Variants in ANKS1A observed in about 807,000 individuals in gnomAD.
The protein encoded by ANKS1A is ankyrin repeat and sterile alpha motif domain containing 1A.
Under a neutral mutation model 120.3 loss-of-function variants are expected in ANKS1A, and 55 were observed. That is an observed-to-expected ratio of 0.46 (90% CI 0.37 to 0.57). The LOEUF (loss-of-function observed/expected upper bound fraction) is 0.57, where lower values mean the gene tolerates loss of function less well. Among genes scored for constraint, ANKS1A ranks in the 20% least tolerant of loss-of-function variants. The pLI, the probability that ANKS1A is intolerant of heterozygous loss-of-function variation, is 0.00. For synonymous variants in ANKS1A, 590 were observed against 604.7 expected, an observed-to-expected ratio of 0.98 and a Z score of 0.36; for missense variants, 1,123 against 1,480.3, an observed-to-expected ratio of 0.76 and a Z score of 3.96.
intron 1 of ANKS1A, among the ~76,000 whole-genome samples, chr6:34,948,497 G>A (rs1333305861): frequency 6.6e-6 from 1 of 152,146 alleles, no homozygotes; most frequent in Non-Finnish European, 1.5e-5. Context: ...TGGCTCTCTT[G>A]ATTCAAAGTA....
At chr6:34,927,899 C>T (rs1768794554) in intron 1 of ANKS1A, among the ~76,000 whole-genome samples, 1 of 152,124 alleles carries the variant, frequency 6.6e-6, no homozygotes, top group Non-Finnish European at 1.5e-5. Flanking sequence ...CAAGAGGAGC[C>T]CATTTTCCAA....
At chr6:34,943,244 T>TGC (rs1769620873) in intron 1 of ANKS1A, among the ~76,000 whole-genome samples, 1 of 152,178 alleles carries the variant, frequency 6.6e-6, no homozygotes, top group Admixed American at 6.5e-5. Context: ...TGTGAACCAC[T>TGC]GCATCCGGCC....
At chr6:34,984,595 A>G (rs1336223563) in intron 7 of ANKS1A, among the ~76,000 whole-genome samples, 1 of 152,218 alleles carries the variant, frequency 6.6e-6, no homozygotes, top group African/African-American at 2.4e-5. Context: ...TTGCAGAGTC[A>G]CACATTTGGA....
intron 12 of ANKS1A, among the ~76,000 whole-genome samples, chr6:35,056,166 G>A (rs186228126): frequency 6.6e-6 from 1 of 152,210 alleles, no homozygotes; most frequent in Non-Finnish European, 1.5e-5. Flanking sequence ...TTGATAAGTC[G>A]GGAGATGTGG....
At chr6:34,971,469 A>G (rs1380314014) in intron 3 of ANKS1A, among the ~76,000 whole-genome samples, 1 of 152,212 alleles carries the variant, frequency 6.6e-6, no homozygotes, top group Non-Finnish European at 1.5e-5. Context: ...GGAGACGGGC[A>G]TTCCTTATAT....
chr6:34,889,658 T>C lies in ANKS1A; in HGVS notation c.197+59T>C, dbSNP rs1766699465. 8.0e-7 allele frequency: 1 copy of C among 1,247,746 alleles called. No individual in the cohort carries two copies. The highest frequency in any genetic ancestry group is 1.0e-6 in the Non-Finnish European group (1 of 996,836). 77.3% of individuals were successfully genotyped at this position (1,247,746 alleles called of 1,614,324 possible). On this transcript the variant is annotated intron_variant, in intron 1 of 23. Transcript: ENST00000360359. This position sits in a 1 kb window ranked among gnomAD's most constrained non-coding sequence, Gnocchi z 5.5. ...AGACCCTTTCTCCCCCACCCGTCTCTTGGGTCCCCAGAGAGATCGGGGGTC... is the reference window on the plus strand; with the variant it reads ...AGACCCTTTCTCCCCCACCCGTCTCCTGGGTCCCCAGAGAGATCGGGGGTC...
intron 10 of ANKS1A, among the ~76,000 whole-genome samples, chr6:34,995,521 A>G (rs1014288842): frequency 1.3e-5 from 2 of 152,230 alleles, no homozygotes; most frequent in Non-Finnish European, 2.9e-5. Flanking sequence ...ATAAAAATAT[A>G]GAACAGTTTC....
chr6:34,990,491 CTT>C (rs36082323), intron 9 of ANKS1A, among the ~76,000 whole-genome samples: 431 of 138,716 alleles, frequency 3.1e-3, no homozygotes, highest in Admixed American at 3.7e-3. Context: ...TACCCCCCTC[CTT>C]TTTTTTTTTT....
In ANKS1A at chr6:34,977,163, C is replaced by T. The variant is rs1013163147; in HGVS notation, c.436-4527C>T. Among the ~76,000 whole-genome samples, 73 of 152,126 alleles carry T rather than the reference C, an allele frequency of 4.8e-4. 1 individual carries two copies. Among genetic ancestry groups the T allele is most frequent in the African/African-American group, 1.5e-3 (61 of 41,420 alleles). ...ATGGATGGTTTTTAAGAGCACAGGG[C>T]AGTTGTTTTGTATACTGTCTTTCAA... On this transcript the variant is annotated intron_variant, in intron 3 of 23. Coordinates refer to ENST00000360359, the MANE Select transcript of ANKS1A (RefSeq NM_015245.3).
intron 13 of ANKS1A, among the ~76,000 whole-genome samples, chr6:35,077,488 C>T (rs1777429378): frequency 1.3e-5 from 2 of 152,208 alleles, no homozygotes; most frequent in Non-Finnish European, 2.9e-5. Flanking sequence ...CAGGCACAGG[C>T]CTGTCTGTGC....
Position 34,983,367 on chromosome 6 carries a change from C to A in ANKS1A, c.954C>A (p.Thr318=). 1.9e-6 allele frequency: 3 copies of A among 1,613,278 alleles called. No homozygotes were observed. Among genetic ancestry groups the A allele is most frequent in the Non-Finnish European group, 1.7e-6 (2 of 1,179,860 alleles). The change falls in exon 7 of 24, where the codon ACC becomes ACA. Residue 318 remains threonine (T), a synonymous_variant. Transcript: ENST00000360359. The part of the protein sequence containing the change: ...GKRSTKEVDK[T]PPPQPPLISS... ...GAAGTACAAAAGAAGTAGATAAAAC[C>A]CCCCCACCCCAGCCACCTCTCATCT...
chr6:34,972,599 GA>G (rs1771239111), intron 3 of ANKS1A: 4 of 985,124 alleles, frequency 4.1e-6, no homozygotes, highest in Non-Finnish European at 4.8e-6. Flanking sequence ...TGAGATCAAA[GA>G]ACTCAAAAAG....
At chr6:34,926,483 C>A (rs78861947) in intron 1 of ANKS1A, among the ~76,000 whole-genome samples, 66 of 152,298 alleles carry the variant, frequency 4.3e-4, no homozygotes, top group African/African-American at 1.5e-3. Flanking sequence ...CCCCTTCTGA[C>A]TTGTCATGCA....
chr6:34,962,924 C>T (rs971173200), intron 1 of ANKS1A, among the ~76,000 whole-genome samples: 3 of 150,908 alleles, frequency 2.0e-5, no homozygotes, highest in Non-Finnish European at 3.0e-5. Context: ...CACAATGGCA[C>T]GATCTCGGCT....
At chr6:34,913,619 T>TTTGTTGTTGTTGTTG (rs549695039) in intron 1 of ANKS1A, among the ~76,000 whole-genome samples, 1 of 151,116 alleles carries the variant, frequency 6.6e-6, no homozygotes, top group African/African-American at 2.4e-5. Context: ...AACAAAATAG[T>TTTGTTGTTGTTGTTG]TTGTTGTTGT....
intron 1 of ANKS1A, among the ~76,000 whole-genome samples, chr6:34,928,360 T>G (rs1422243522): frequency 1.3e-5 from 2 of 152,144 alleles, no homozygotes; most frequent in African/African-American, 4.8e-5. Context: ...AGAATCACCC[T>G]GTCAGGAGCA....
At position 34,944,045 on chromosome 6, in the gene ANKS1A, G is replaced by T. The variant is rs532298803; in HGVS notation, c.198-23194G>T. ...TCCCAGCACTTTGGGAGGCCAAGGC[G>T]GGCAGATCATGAGGTCAGGAGATCG... On this transcript the variant is annotated intron_variant, in intron 1 of 23. Coordinates refer to ENST00000360359, the MANE Select transcript of ANKS1A (RefSeq NM_015245.3). Among the ~76,000 whole-genome samples the T allele has an allele frequency of 1.2e-3, 187 of 152,272 alleles. 1 individual carries two copies. The highest frequency in any genetic ancestry group is 6.8e-3 in the Middle Eastern group (2 of 294).
At chr6:35,046,870 A>G (rs778846645) in intron 11 of ANKS1A, among the ~76,000 whole-genome samples, 4 of 152,212 alleles carry the variant, frequency 2.6e-5, no homozygotes, top group Non-Finnish European at 5.9e-5. Context: ...AAGATACTGA[A>G]CATTACTGTC....
intron 13 of ANKS1A, among the ~76,000 whole-genome samples, chr6:35,069,414 C>T (rs1453226838): frequency 1.3e-5 from 2 of 152,000 alleles, no homozygotes; most frequent in Admixed American, 6.6e-5. Context: ...AGCAAAGTAA[C>T]TTAGGTCTCT....
Sources: gnomAD v4.1 joint callset for allele counts (sites outside exome capture counted in the v4.1 genomes callset) on GRCh38, gnomAD v4.1.1 for gene constraint, Gnocchi (gnomAD v3.1) non-coding constraint, MANE v1.5 for transcripts, NCBI Gene and HGNC (gene_info 2026-07-23, HGNC 2026-07-21) for gene names.